Variants in MACROD2 observed in about 807,000 individuals in gnomAD.
The protein encoded by MACROD2 is mono-ADP ribosylhydrolase 2.
Under a neutral mutation model 70.4 loss-of-function variants are expected in MACROD2, and 36 were observed. The observed-to-expected ratio is 0.51, with a 90% CI of 0.39 to 0.68. The LOEUF (loss-of-function observed/expected upper bound fraction) is 0.68. MACROD2 is among the 30% of genes least tolerant of loss of function. The pLI is 0.00. For synonymous variants in MACROD2, 172 were observed against 178.8 expected (o/e 0.96, Z 0.30); for missense variants, 496 against 538.4 (o/e 0.92, Z 0.78).
At chr20:15,889,160 A>G (rs888144237) in intron 10 of MACROD2, among the ~76,000 whole-genome samples, 5 of 152,186 alleles carry the variant, frequency 3.3e-5, no homozygotes, top group Admixed American at 1.3e-4. Flanking sequence ...GCAGATTTCT[A>G]TGGTATAAAC....
intron 7 of MACROD2, among the ~76,000 whole-genome samples, chr20:15,494,488 C>G (rs2047269280): frequency 6.6e-6 from 1 of 152,120 alleles, no homozygotes; most frequent in African/African-American, 2.4e-5. Flanking sequence ...GAATGCAACA[C>G]TACAATGAAA....
chr20:15,904,872 C>T (rs555408307), intron 10 of MACROD2, among the ~76,000 whole-genome samples: 5 of 126,532 alleles, frequency 4.0e-5, no homozygotes, highest in Admixed American at 3.6e-4. Context: ...AAGAGAGAGA[C>T]TCTGTCTCAA....
At chr20:15,323,143 A>G (rs1320540856) in intron 6 of MACROD2, among the ~76,000 whole-genome samples, 3 of 152,146 alleles carry the variant, frequency 2.0e-5, no homozygotes, top group African/African-American at 7.2e-5. Context: ...ATTGAGCACG[A>G]GGGGGCAGTA....
At chr20:14,663,689 A>AT (rs1217547829) in intron 4 of MACROD2, among the ~76,000 whole-genome samples, 1 of 152,004 alleles carries the variant, frequency 6.6e-6, no homozygotes, top group African/African-American at 2.4e-5. Context: ...GGCTTTGCAA[A>AT]TTTTTTAAAA....
At chr20:15,532,469 G>A (rs940931205) in intron 8 of MACROD2, among the ~76,000 whole-genome samples, 1 of 151,972 alleles carries the variant, frequency 6.6e-6, no homozygotes, top group East Asian at 1.9e-4. Context: ...TATCTGAAAT[G>A]TTGGAAGCAA....
chr20:14,061,862 T>C (rs535446021), intron 2 of MACROD2, among the ~76,000 whole-genome samples: 29 of 152,236 alleles, frequency 1.9e-4, no homozygotes, highest in African/African-American at 6.7e-4. Context: ...GATATTAAAA[T>C]TATGTTAGTG....
chr20:14,864,239 A>G (rs977937662), intron 5 of MACROD2, among the ~76,000 whole-genome samples: 10 of 152,118 alleles, frequency 6.6e-5, no homozygotes, highest in Non-Finnish European at 1.2e-4. Context: ...TAGTAAAGAC[A>G]TTTTTGTCCA....
intron 3 of MACROD2, among the ~76,000 whole-genome samples, chr20:14,485,505 T>C (rs1015945895): frequency 6.6e-6 from 1 of 151,930 alleles, no homozygotes; most frequent in Non-Finnish European, 1.5e-5. Context: ...ATCAGGATCA[T>C]CCTGGCTAAC....
chr20:15,918,514 C>G (rs943881075), intron 10 of MACROD2, among the ~76,000 whole-genome samples: 1 of 151,974 alleles, frequency 6.6e-6, no homozygotes, highest in African/African-American at 2.4e-5. Context: ...ATAAGAAAAC[C>G]TATTACAGCC....
rs376719727 is a variant in MACROD2, at chr20:15,088,894, G to T, written c.419-141046G>T. Among the ~76,000 whole-genome samples, 14 of 152,020 alleles carry T rather than the reference G, an allele frequency of 9.2e-5. No homozygotes were observed. The South Asian group carries it at 2.9e-3, about 32-fold the overall frequency. ...GGTAAAAGAGAGTAAGCTTTTTCTT[G>T]TACATATTTCTGTATTTATTAATGA... is the stretch of plus-strand genomic sequence containing the variant. On this transcript the variant is annotated intron_variant, in intron 5 of 17. Coordinates refer to ENST00000684519, the MANE Select transcript of MACROD2 (RefSeq NM_001351661.2).
intron 8 of MACROD2, among the ~76,000 whole-genome samples, chr20:15,742,970 T>C (rs970492375): frequency 6.6e-6 from 1 of 152,224 alleles, no homozygotes; most frequent in Admixed American, 6.5e-5. Flanking sequence ...TCAGGTCAAT[T>C]GTATTTGTCT....
intron 4 of MACROD2, among the ~76,000 whole-genome samples, chr20:14,651,496 C>T (rs1568720476): frequency 6.6e-6 from 1 of 152,060 alleles, no homozygotes; most frequent in Non-Finnish European, 1.5e-5. Context: ...GTAAATACAA[C>T]CAAGGTTATA....
chr20:15,906,905 G>C (rs773173036), intron 10 of MACROD2, among the ~76,000 whole-genome samples: 1 of 152,190 alleles, frequency 6.6e-6, no homozygotes, highest in East Asian at 1.9e-4. Context: ...CACTCGCTTT[G>C]ATTACTTGAT....
intron 8 of MACROD2, among the ~76,000 whole-genome samples, chr20:15,746,050 T>G (rs1054654273): frequency 2.0e-5 from 3 of 152,190 alleles, no homozygotes; most frequent in African/African-American, 4.8e-5. Context: ...TTAGTTTGTC[T>G]GCTTCACAAA....
intron 15 of MACROD2, among the ~76,000 whole-genome samples, chr20:15,994,727 A>G (rs1270272992): frequency 6.6e-6 from 1 of 152,062 alleles, no homozygotes; most frequent in African/African-American, 2.4e-5. Context: ...TTTTGCTTCT[A>G]CTTAGAGGCA....
At chr20:14,596,864 A>C (rs1982177405) in intron 4 of MACROD2, among the ~76,000 whole-genome samples, 1 of 152,186 alleles carries the variant, frequency 6.6e-6, no homozygotes, top group African/African-American at 2.4e-5. Flanking sequence ...TGGGGTTTGT[A>C]ATCTGTAAAG....
At chr20:14,665,007 A>G (rs539714411) in intron 4 of MACROD2, among the ~76,000 whole-genome samples, 1 of 152,238 alleles carries the variant, frequency 6.6e-6, no homozygotes, top group South Asian at 2.1e-4. Flanking sequence ...TCGGATTTCA[A>G]CTAGTTGGCA....
chr20:14,454,275 A>G (rs749545708), intron 3 of MACROD2, among the ~76,000 whole-genome samples: 2 of 151,870 alleles, frequency 1.3e-5, no homozygotes, highest in Non-Finnish European at 2.9e-5. Context: ...TGGTTTTCTT[A>G]TTGGTATGTA....
At chr20:14,611,718 G>A (rs1983181808) in intron 4 of MACROD2, among the ~76,000 whole-genome samples, 2 of 151,952 alleles carry the variant, frequency 1.3e-5, no homozygotes, top group Non-Finnish European at 2.9e-5. Flanking sequence ...CACATTCTTG[G>A]TAAATCTGTG....
Sources: allele counts gnomAD v4.1 joint callset (sites outside exome capture counted in the v4.1 genomes callset), GRCh38; gene constraint gnomAD v4.1.1; transcripts MANE v1.5; gene names NCBI Gene and HGNC (gene_info 2026-07-23, HGNC 2026-07-21).